The following RPSA2 variants were observed in gnomAD, a reference collection of about 807,000 sequenced individuals.
RPSA2 encodes the protein ribosomal protein SA 2.
the RPSA2 span, among the ~76,000 whole-genome samples, chr19:23,853,848 C>A: frequency 6.6e-6 from 1 of 152,182 alleles, no homozygotes; most frequent in African/African-American, 2.4e-5. Context: ...ATTTCATCAG[C>A]TTTTCCAACA....
At chr19:23,805,999 C>T in the RPSA2 span, among the ~76,000 whole-genome samples, 1 of 133,680 alleles carries the variant, frequency 7.5e-6, no homozygotes, top group Non-Finnish European at 1.6e-5. Context: ...ATCTATCTGT[C>T]TGTCTATCTA....
the RPSA2 span, chr19:23,832,697 T>C: frequency 7.3e-6 from 11 of 1,508,028 alleles, no homozygotes; most frequent in Non-Finnish European, 9.0e-6. Context: ...CATAAGAGGA[T>C]GCACACTGGA....
At chr19:23,816,471 C>T in the RPSA2 span, among the ~76,000 whole-genome samples, 3,329 of 152,188 alleles carry the variant, frequency 0.022, 130 homozygotes, top group African/African-American at 0.076. Context: ...AATGAAGTTA[C>T]TGGTTTTATT....
At chr19:23,774,837 A>G in the RPSA2 span, among the ~76,000 whole-genome samples, 1 of 152,136 alleles carries the variant, frequency 6.6e-6, no homozygotes, top group South Asian at 2.1e-4. Flanking sequence ...CTGAGCACCC[A>G]GGTTTTAACT....
At chr19:23,868,021 T>G in the RPSA2 span, among the ~76,000 whole-genome samples, 1 of 152,062 alleles carries the variant, frequency 6.6e-6, no homozygotes, top group South Asian at 2.1e-4. Context: ...ATGCAGGACA[T>G]TTAGAGGAGT....
At chr19:23,758,748 A>T in the RPSA2 span, 1 of 1,614,094 alleles carries the variant, frequency 6.2e-7, no homozygotes, top group Non-Finnish European at 8.5e-7. Context: ...CATTCTCACC[A>T]TTTCTAGGTT....
chr19:23,798,324 A>C, the RPSA2 span, among the ~76,000 whole-genome samples: 1 of 152,198 alleles, frequency 6.6e-6, no homozygotes, highest in Non-Finnish European at 1.5e-5. Flanking sequence ...TACAGGCTGA[A>C]GTACTTACAC....
the RPSA2 span, among the ~76,000 whole-genome samples, chr19:23,851,941 A>C: frequency 1.3e-5 from 2 of 152,238 alleles, no homozygotes; most frequent in Non-Finnish European, 2.9e-5. Flanking sequence ...ATGAACCACA[A>C]TTAAATTTGG....
chr19:23,867,872 A>T, the RPSA2 span, among the ~76,000 whole-genome samples: 565 of 150,038 alleles, frequency 3.8e-3, 2 homozygotes, highest in African/African-American at 0.013. Flanking sequence ...AGGATTTATT[A>T]TTGGGGTCAT....
the RPSA2 span, among the ~76,000 whole-genome samples, chr19:23,852,142 T>G: frequency 6.6e-6 from 1 of 152,226 alleles, no homozygotes. Context: ...CTGGGCAGTT[T>G]GGATTCTTCT....
At chr19:23,860,900 G>T in the RPSA2 span, among the ~76,000 whole-genome samples, 1 of 152,192 alleles carries the variant, frequency 6.6e-6, no homozygotes, top group Non-Finnish European at 1.5e-5. Flanking sequence ...TTCATAACTT[G>T]CTCAGGCACA....
the RPSA2 span, among the ~76,000 whole-genome samples, chr19:23,834,638 T>C: frequency 2.0e-5 from 3 of 152,036 alleles, no homozygotes; most frequent in African/African-American, 4.8e-5. Flanking sequence ...TATGGAATAC[T>C]ATACAGCATA....
At chr19:23,841,815 T>C in the RPSA2 span, among the ~76,000 whole-genome samples, 2 of 152,224 alleles carry the variant, frequency 1.3e-5, no homozygotes, top group African/African-American at 2.4e-5. Flanking sequence ...ACAACCAGGT[T>C]ACATATTAGC....
chr19:23,864,001 A>G, the RPSA2 span, among the ~76,000 whole-genome samples: 1 of 152,344 alleles, frequency 6.6e-6, no homozygotes, highest in African/African-American at 2.4e-5. Context: ...AGCAAAATCA[A>G]TGAGAAACTG....
the RPSA2 span, among the ~76,000 whole-genome samples, chr19:23,850,323 C>CTA: frequency 2.2e-5 from 1 of 45,010 alleles, no homozygotes; most frequent in African/African-American, 7.0e-5. Context: ...TAAATAAAAC[C>CTA]TATTGTAAGC....
chr19:23,869,846 TC>T, the RPSA2 span, among the ~76,000 whole-genome samples: 4 of 152,226 alleles, frequency 2.6e-5, no homozygotes, highest in Non-Finnish European at 5.9e-5. Context: ...AGTCTTAATG[TC>T]ACATTTGTAA....
the RPSA2 span, among the ~76,000 whole-genome samples, chr19:23,783,970 T>C: frequency 6.6e-6 from 1 of 152,202 alleles, no homozygotes; most frequent in Non-Finnish European, 1.5e-5. Context: ...CTCTTCTGCC[T>C]GGTGCATGCT....
the RPSA2 span, among the ~76,000 whole-genome samples, chr19:23,837,924 A>T: frequency 2.6e-5 from 4 of 152,042 alleles, no homozygotes; most frequent in Admixed American, 1.3e-4. Context: ...CTGTTTACTG[A>T]TTTGGATGCC....
At chr19:23,782,779 G>C in the RPSA2 span, among the ~76,000 whole-genome samples, 1 of 152,088 alleles carries the variant, frequency 6.6e-6, no homozygotes, top group Admixed American at 6.6e-5. Flanking sequence ...CTTCCAACTG[G>C]GTTGATTGGA....
Sources: allele counts gnomAD v4.1 joint callset (sites outside exome capture counted in the v4.1 genomes callset), GRCh38; gene constraint gnomAD v4.1.1; transcripts MANE v1.5; gene names NCBI Gene and HGNC (gene_info 2026-07-23, HGNC 2026-07-21).